PHF21A: variants seen among roughly 807,000 people sequenced by gnomAD.
PHF21A encodes the protein PHD finger protein 21A.
In PHF21A, 11 loss-of-function variants were observed where a neutral mutation model predicts 82.5. That is an observed-to-expected ratio of 0.13 (90% CI 0.08 to 0.22). The LOEUF (loss-of-function observed/expected upper bound fraction) is 0.22. Among genes scored for constraint, PHF21A ranks in the 10% least tolerant of loss-of-function variants. PHF21A has a pLI of 1.00. For missense variants in PHF21A, 579 were observed against 837.8 expected, an observed-to-expected ratio of 0.69 and a Z score of 3.81; for synonymous variants, 297 against 302.8, an observed-to-expected ratio of 0.98 and a Z score of 0.20.
At position 46,121,258 on chromosome 11, in the gene PHF21A, T is replaced by TG. The variant is rs1456537705; in HGVS notation, c.-561dup. The TG allele has an allele frequency of 1.4e-5, 1 of 72,052 alleles. No individual in the cohort carries two copies. Among genetic ancestry groups the TG allele is most frequent in the Non-Finnish European group, 3.0e-5 (1 of 33,748 alleles). The allele number at this position is 72,052 out of a possible 1,614,324, so 4.5% of individuals were successfully genotyped here. ...CAAGGGGGGGTGGGGAGGAGGGGGT[T>TG]GGGGGGAGGAACTGGATCCTCCTCC... On this transcript the variant is annotated 5_prime_UTR_variant, in exon 1 of 19. Transcript: ENST00000676320.
At chr11:45,937,441 T>C (rs1295122301) in intron 16 of PHF21A, among the ~76,000 whole-genome samples, 3 of 152,212 alleles carry the variant, frequency 2.0e-5, no homozygotes, top group African/African-American at 7.2e-5. Flanking sequence ...GAGCCTGATA[T>C]AACAAAATAG....
chr11:45,932,267 A>G lies in PHF21A; in HGVS notation c.*1701T>C, dbSNP rs562321892. 6.6e-6 allele frequency: 1 copy of G among 152,384 alleles called. No individual in the cohort carries two copies. Among genetic ancestry groups the G allele is most frequent in the Admixed American group, 6.5e-5 (1 of 15,312 alleles). The allele number at this position is 152,384 out of a possible 1,614,324, so 9.4% of individuals were successfully genotyped here. A position where few individuals can be genotyped will look rare whatever the true frequency, so the allele number is the denominator to read the frequency against. ...CATAATGCTGGTGGCTGAAAGACCA[A>G]AAGCAGCACCAAAGGAAGGGATCTT... On this transcript the variant is annotated 3_prime_UTR_variant, in exon 19 of 19. Transcript: ENST00000676320. The surrounding 1 kb of genome is among the most constrained non-coding windows in gnomAD (Gnocchi z 4.3).
At position 45,934,194 on chromosome 11, in the gene PHF21A, G is replaced by A. The variant is rs770443412; in HGVS notation, c.1820C>T (p.Ala607Val). The A allele has an allele frequency of 1.9e-6, 3 of 1,613,686 alleles. No homozygotes were observed. In the South Asian group the frequency reaches 3.3e-5, roughly 18 times the overall value. ...KCMEMKNTIL[A>V]RQKEMHSSLE... Reference sequence around the variant, plus strand: ...GGAGCTGTGCATCTCCTTCTGCCGGGCCAGGATGGTGTTCTTCATTTCCAT... The same window carrying A: ...GGAGCTGTGCATCTCCTTCTGCCGGACCAGGATGGTGTTCTTCATTTCCAT... Residue 607 changes from alanine (A) to valine (V), a missense_variant, in exon 19 of 19, where the codon GCC (alanine) becomes GTC (valine). This residue lies in a region of PHF21A where 157 missense variants were observed against 149.4 expected (regional missense o/e 1.05). Transcript: ENST00000676320.
intron 6 of PHF21A, among the ~76,000 whole-genome samples, chr11:46,004,008 A>C (rs944479768): frequency 5.3e-5 from 8 of 152,220 alleles, no homozygotes; most frequent in South Asian, 2.1e-4. Context: ...TTCAGCTGTA[A>C]GTGATATTTT....
chr11:46,062,486 T>A (rs10838552), intron 6 of PHF21A, among the ~76,000 whole-genome samples: 1 of 152,070 alleles, frequency 6.6e-6, no homozygotes, highest in African/African-American at 2.4e-5. Context: ...TGTTTTCTAA[T>A]TGTTCCTTTA....
rs1300929297 is a variant in PHF21A, at chr11:45,953,157, T to A, written c.1095+370A>T. On this transcript the variant is annotated intron_variant, in intron 11 of 18. Transcript: ENST00000676320. Reference sequence around the variant, plus strand: ...ACACATTAGCTGAGTGAACTAGATATCTTATAAATGTTGGCTGAGACAAAC... The same window carrying A: ...ACACATTAGCTGAGTGAACTAGATAACTTATAAATGTTGGCTGAGACAAAC... Among the ~76,000 whole-genome samples the A allele has an allele frequency of 2.6e-5, 4 of 152,210 alleles. No homozygotes were observed. In the East Asian group the frequency reaches 7.7e-4, roughly 29 times the overall value.
chr11:46,091,564 T>C (rs2171895), intron 2 of PHF21A, among the ~76,000 whole-genome samples: 137,092 of 152,066 alleles, frequency 0.9, 61,964 homozygotes, highest in East Asian at 1. Context: ...TGAAGCTAAC[T>C]AATCCAATAT....
chr11:46,011,990 T>C (rs1017334877), intron 6 of PHF21A, among the ~76,000 whole-genome samples: 1 of 152,174 alleles, frequency 6.6e-6, no homozygotes, highest in African/African-American at 2.4e-5. Flanking sequence ...TCACCTTCTT[T>C]ACTTCCTGTC....
At chr11:45,949,149 A>G (rs2091753359) in intron 13 of PHF21A, among the ~76,000 whole-genome samples, 1 of 152,226 alleles carries the variant, frequency 6.6e-6, no homozygotes, top group South Asian at 2.1e-4. Flanking sequence ...TCTGTTGCCG[A>G]TGACAGCTGT....
chr11:45,952,478 A>G (rs1293585465), intron 11 of PHF21A, among the ~76,000 whole-genome samples: 1 of 152,188 alleles, frequency 6.6e-6, no homozygotes, highest in African/African-American at 2.4e-5. Flanking sequence ...GTTTCCTTTG[A>G]TAGGGAAATT....
chr11:46,114,027 C>T (rs2097257141), intron 1 of PHF21A, among the ~76,000 whole-genome samples: 1 of 151,830 alleles, frequency 6.6e-6, no homozygotes, highest in Non-Finnish European at 1.5e-5. Flanking sequence ...CACTGAAGTT[C>T]TGCTTTTGTC....
intron 1 of PHF21A, among the ~76,000 whole-genome samples, chr11:46,107,711 T>C (rs1593326280): frequency 6.6e-6 from 1 of 152,318 alleles, no homozygotes; most frequent in East Asian, 1.9e-4. Context: ...CAACAGTGAA[T>C]TATCACTAAT....
chr11:46,007,720 T>C (rs538256102), intron 6 of PHF21A, among the ~76,000 whole-genome samples: 1 of 152,328 alleles, frequency 6.6e-6, no homozygotes, highest in East Asian at 1.9e-4. Context: ...TACATTAATT[T>C]AAATCAAAAA....
Position 45,935,740 on chromosome 11 carries a change from C to G in PHF21A, c.1685-1G>C, listed in dbSNP as rs75762440. ...AACTTCTGTTTCTCTTCTTCTTTTG[C>G]TAAAAAAAAAAAAAAAAAAAAAAAG... On this transcript the variant is annotated splice_acceptor_variant, in intron 17 of 18. Transcript: ENST00000676320. LOFTEE classifies it high-confidence loss of function. 4.3e-6 allele frequency: 2 copies of G among 467,486 alleles called. No homozygotes were observed. 29.0% of individuals were successfully genotyped at this position (467,486 alleles called of 1,614,324 possible).
chr11:46,119,962 C>CCCGGGGGCGCCCCGCGGCCG (rs1852630135), intron 1 of PHF21A: 1 of 146,246 alleles, frequency 6.8e-6, no homozygotes, highest in Non-Finnish European at 1.5e-5. Context: ...CGCTCGGGGT[C>CCCGGGGGCGCCCCGCGGCCG]CCGGGGGCGC....
intron 1 of PHF21A, chr11:46,116,529 T>TA (rs1327771846): frequency 1.3e-5 from 2 of 151,368 alleles, no homozygotes; most frequent in Non-Finnish European, 2.9e-5. Context: ...ATAGGGGACA[T>TA]ACAATTCACA....
In PHF21A at chr11:46,118,476, T is replaced by C. The variant is rs182318788; in HGVS notation, c.-237+2459A>G. Among the ~76,000 whole-genome samples the C allele has an allele frequency of 7.2e-5, 11 of 151,840 alleles. No homozygotes were observed. The East Asian group carries it at 2.1e-3, about 29-fold the overall frequency. On this transcript the variant is annotated intron_variant, in intron 1 of 18. Coordinates refer to ENST00000676320, the MANE Select transcript of PHF21A (RefSeq NM_001352027.3). Reference sequence around the variant, plus strand: ...GTAACATGTTAGCCAGATGTTTGTGTTTTGAGAACTTTGTGCACTATTACT... The same window carrying C: ...GTAACATGTTAGCCAGATGTTTGTGCTTTGAGAACTTTGTGCACTATTACT...
intron 6 of PHF21A, among the ~76,000 whole-genome samples, chr11:45,984,517 C>T (rs2094428924): frequency 6.6e-6 from 1 of 152,208 alleles, no homozygotes; most frequent in Non-Finnish European, 1.5e-5. Context: ...TCAACGTGTT[C>T]ACACGACAGC....
At chr11:46,031,863 T>A (rs1037613793) in intron 6 of PHF21A, among the ~76,000 whole-genome samples, 7 of 152,112 alleles carry the variant, frequency 4.6e-5, no homozygotes, top group Non-Finnish European at 1.0e-4. Context: ...GGAAATGGGG[T>A]GAGACATAAA....
Sources: gnomAD v4.1 joint callset for allele counts (sites outside exome capture counted in the v4.1 genomes callset) on GRCh38, gnomAD v4.1.1 for gene constraint, gnomAD v4.1.1 regional missense constraint, Gnocchi (gnomAD v3.1) non-coding constraint, MANE v1.5 for transcripts, NCBI Gene and HGNC (gene_info 2026-07-23, HGNC 2026-07-21) for gene names.